Variants in ROBO2 observed in about 807,000 individuals in gnomAD.
ROBO2 encodes roundabout guidance receptor 2.
Under a neutral mutation model 160.8 loss-of-function variants are expected in ROBO2, and 53 were observed. The observed-to-expected ratio is 0.33, with a 90% confidence interval of 0.26 to 0.41. ROBO2 has a LOEUF of 0.41. ROBO2 is among the 10% of genes least tolerant of loss of function. The probability of loss-of-function intolerance (pLI) is 1.00; values close to 1 mark genes in which losing one functional copy is unlikely to be tolerated. For synonymous variants in ROBO2, 664 were observed against 611.7 expected (o/e 1.09, Z -1.26); for missense variants, 1,577 against 1,722.4 (o/e 0.92, Z 1.49).
At chr3:76,989,557 G>A (rs185372789) in intron 2 of ROBO2, among the ~76,000 whole-genome samples, 37 of 151,608 alleles carry the variant, frequency 2.4e-4, no homozygotes, top group Middle Eastern at 3.4e-3. Flanking sequence ...ACTAACCGCC[G>A]GGTTCTTAGG....
At chr3:76,422,123 T>C (rs2108934215) in intron 2 of ROBO2, among the ~76,000 whole-genome samples, 1 of 152,308 alleles carries the variant, frequency 6.6e-6, no homozygotes, top group East Asian at 1.9e-4. Flanking sequence ...TGAAGGCATT[T>C]ATGTAAATGC....
intron 2 of ROBO2, among the ~76,000 whole-genome samples, chr3:77,325,843 T>C (rs527385543): frequency 6.6e-6 from 1 of 152,302 alleles, no homozygotes; most frequent in African/African-American, 2.4e-5. Flanking sequence ...GATCCTCATT[T>C]GACAGTACAG....
At chr3:76,075,824 A>T (rs912072002) in intron 2 of ROBO2, among the ~76,000 whole-genome samples, 1 of 152,196 alleles carries the variant, frequency 6.6e-6, no homozygotes, top group Non-Finnish European at 1.5e-5. Flanking sequence ...CAATAACACT[A>T]TGAGGCAATT....
At chr3:75,940,226 G>T (rs77937067) in intron 2 of ROBO2, among the ~76,000 whole-genome samples, 1 of 152,074 alleles carries the variant, frequency 6.6e-6, no homozygotes, top group Non-Finnish European at 1.5e-5. Flanking sequence ...GACAAAAAAC[G>T]ATTTAACGAG....
rs895809124 is a variant in ROBO2 at position 77,189,810 on chromosome 3, C to T, written c.388+91470C>T. Reference sequence around the variant, plus strand: ...TTGAATGCTTTCTATATGCCAGATGCTTTGCTAAGAGCTCATATTAAACAC... The same window carrying T: ...TTGAATGCTTTCTATATGCCAGATGTTTTGCTAAGAGCTCATATTAAACAC... On this transcript the variant is annotated intron_variant, in intron 2 of 25. Coordinates refer to ENST00000461745, the Ensembl canonical transcript of ROBO2. Among the ~76,000 whole-genome samples the T allele has an allele frequency of 2.6e-5, 4 of 151,900 alleles. No individual in the cohort carries two copies. The South Asian group carries it at 8.3e-4, about 31-fold the overall frequency.
At chr3:76,322,439 A>G (rs891737695) in intron 2 of ROBO2, among the ~76,000 whole-genome samples, 1 of 151,942 alleles carries the variant, frequency 6.6e-6, no homozygotes, top group African/African-American at 2.4e-5. Flanking sequence ...TGTTCTAAAA[A>G]GAGTTCTTCA....
intron 1 of ROBO2, among the ~76,000 whole-genome samples, chr3:77,047,597 G>A (rs1262790881): frequency 6.6e-6 from 1 of 151,730 alleles, no homozygotes; most frequent in African/African-American, 2.4e-5. Context: ...GCTGAGGCAG[G>A]AGAATCATTT....
intron 2 of ROBO2, among the ~76,000 whole-genome samples, chr3:76,486,404 T>G (rs966069816): frequency 6.6e-6 from 1 of 152,166 alleles, no homozygotes; most frequent in African/African-American, 2.4e-5. Context: ...ATCTGTCGTA[T>G]GTACAACTGA....
At position 76,852,524 on chromosome 3, in the gene ROBO2, T is replaced by C. The variant is rs554628020; in HGVS notation, c.110-245490T>C. 7.2e-5 allele frequency among the ~76,000 whole-genome samples: 11 copies of C among 152,276 alleles called. No homozygotes were observed. In the South Asian group the frequency reaches 2.1e-3, roughly 29 times the overall value. On this transcript the variant is annotated intron_variant, in intron 2 of 26. Coordinates refer to the ROBO2 transcript ENST00000487694. ...GATCATGATGTCATCTCAAGGGTAA[T>C]GGATGCTTCAGAGTTGTTGAATATT... is the stretch of plus-strand genomic sequence containing the variant.
At position 77,077,884 on chromosome 3, in the gene ROBO2, G is replaced by T. The variant is rs534004765; in HGVS notation, c.62-20130G>T. On this transcript the variant is annotated intron_variant, in intron 1 of 25. Coordinates refer to ENST00000461745, the Ensembl canonical transcript of ROBO2. ...TTTCTGTCTCTGCTTTCTCCTTGAG[G>T]CCAGGATTGTGAAAGTGGGCTTTTA... Among the ~76,000 whole-genome samples, 7 of 152,208 alleles carry T rather than the reference G, an allele frequency of 4.6e-5. No individual in the cohort carries two copies. The South Asian group carries it at 1.5e-3, about 32-fold the overall frequency.
At chr3:76,774,814 CT>C (rs5850290) in intron 2 of ROBO2, among the ~76,000 whole-genome samples, 7 of 145,824 alleles carry the variant, frequency 4.8e-5, no homozygotes, top group South Asian at 2.1e-4. Flanking sequence ...AGAATATCCT[CT>C]TTTTTTTTTT....
rs1327351026 is a variant in ROBO2 at position 76,400,257 on chromosome 3, G to A, written c.109+462655G>A. 6.6e-5 allele frequency among the ~76,000 whole-genome samples: 10 copies of A among 151,654 alleles called. No homozygotes were observed. In the East Asian group the frequency reaches 9.7e-4, roughly 15 times the overall value. On this transcript the variant is annotated intron_variant, in intron 2 of 26. Coordinates refer to the ROBO2 transcript ENST00000487694. ...TATTGAATTGGAGAAATCAGACTAA[G>A]CCTCAATAACCGTTTTCATTTCTGC...
intron 2 of ROBO2, among the ~76,000 whole-genome samples, chr3:76,785,906 G>T (rs1047368819): frequency 2.6e-5 from 4 of 151,218 alleles, no homozygotes; most frequent in African/African-American, 9.7e-5. Context: ...CTTAACATTT[G>T]TTCTAAGTTT....
chr3:77,188,119 T>C (rs1029601603), intron 2 of ROBO2, among the ~76,000 whole-genome samples: 2 of 151,884 alleles, frequency 1.3e-5, no homozygotes, highest in Non-Finnish European at 2.9e-5. Flanking sequence ...ATCTTTGATA[T>C]TATGTGGATT....
At chr3:76,923,303 C>T (rs2076781542) in intron 2 of ROBO2, among the ~76,000 whole-genome samples, 1 of 152,184 alleles carries the variant, frequency 6.6e-6, no homozygotes, top group Admixed American at 6.5e-5. Flanking sequence ...AGATAATGTT[C>T]CCTCATAATG....
chr3:77,139,846 G>A (rs1373629111), intron 2 of ROBO2, among the ~76,000 whole-genome samples: 1 of 152,084 alleles, frequency 6.6e-6, no homozygotes, highest in African/African-American at 2.4e-5. Flanking sequence ...ATGGGCAAAG[G>A]TCAATCATTT....
chr3:76,745,985 T>C (rs7625658), intron 2 of ROBO2, among the ~76,000 whole-genome samples: 112,122 of 112,378 alleles, frequency 1, 55,935 homozygotes, highest in South Asian at 1. Flanking sequence ...CCTCCCTCCT[T>C]CCCCCACCCC....
chr3:77,566,049 T>C (rs901530463), intron 12 of ROBO2, among the ~76,000 whole-genome samples: 1 of 152,124 alleles, frequency 6.6e-6, no homozygotes, highest in Non-Finnish European at 1.5e-5. Flanking sequence ...TAAAAGACTT[T>C]GAACAAGATA....
intron 2 of ROBO2, among the ~76,000 whole-genome samples, chr3:77,349,256 T>TAA (rs1163906575): frequency 1.3e-5 from 2 of 152,212 alleles, no homozygotes; most frequent in African/African-American, 4.8e-5. Flanking sequence ...GTACAGGTAT[T>TAA]ATTTTCTTTA....
Sources: gnomAD v4.1 joint callset for allele counts (sites outside exome capture counted in the v4.1 genomes callset) on GRCh38, gnomAD v4.1.1 for gene constraint, MANE v1.5 for transcripts, NCBI Gene and HGNC (gene_info 2026-07-23, HGNC 2026-07-21) for gene names.